Variants in KHDRBS2 observed in about 807,000 individuals in gnomAD.
KHDRBS2 encodes KH domain-containing, RNA-binding, signal transduction-associated protein 2.
In KHDRBS2, 26 loss-of-function variants were observed where a neutral mutation model predicts 44.3. That is an observed-to-expected ratio of 0.59 (90% CI 0.43 to 0.81). The LOEUF (loss-of-function observed/expected upper bound fraction) is 0.81. Ranked by LOEUF, KHDRBS2 falls within the 40% of genes least tolerant of loss-of-function variation. The pLI, the probability that KHDRBS2 is intolerant of heterozygous loss-of-function variation, is 0.00. For missense variants in KHDRBS2, 476 were observed against 433.1 expected (o/e 1.10, Z -0.88); for synonymous variants, 194 against 151.1 (o/e 1.28, Z -2.08).
intron 1 of KHDRBS2, among the ~76,000 whole-genome samples, chr6:62,213,873 C>CAGAAA (rs1829526968): frequency 2.4e-5 from 1 of 41,486 alleles, no homozygotes; most frequent in Non-Finnish European, 4.1e-5. Flanking sequence ...GACTCCATCT[C>CAGAAA]AAAAAAAAAA....
At chr6:61,548,333 G>A in the KHDRBS2 span, among the ~76,000 whole-genome samples, 1 of 152,090 alleles carries the variant, frequency 6.6e-6, no homozygotes, top group Non-Finnish European at 1.5e-5. Flanking sequence ...GCAGGAAGCT[G>A]AAATCATTAG....
At chr6:61,609,345 C>T in the KHDRBS2 span, among the ~76,000 whole-genome samples, 1,296 of 152,104 alleles carry the variant, frequency 8.5e-3, 8 homozygotes, top group Non-Finnish European at 0.013. Flanking sequence ...GCAACAAGAG[C>T]GAAACTCTGT....
chr6:62,171,007 T>TA (rs1024022091), intron 2 of KHDRBS2, among the ~76,000 whole-genome samples: 6 of 149,736 alleles, frequency 4.0e-5, no homozygotes, highest in African/African-American at 1.5e-4. Flanking sequence ...AAAGGACCAT[T>TA]TACCCACACA....
chr6:61,858,345 C>A (rs1316627131), intron 6 of KHDRBS2, among the ~76,000 whole-genome samples: 2 of 151,304 alleles, frequency 1.3e-5, no homozygotes, highest in African/African-American at 4.9e-5. Flanking sequence ...AGATATGTAA[C>A]CTTATTACTC....
chr6:61,896,324 C>T (rs1802931718), intron 5 of KHDRBS2, among the ~76,000 whole-genome samples: 2 of 152,158 alleles, frequency 1.3e-5, no homozygotes, highest in Non-Finnish European at 2.9e-5. Context: ...TATTCACGAG[C>T]CTTCGCTATA....
the KHDRBS2 span, among the ~76,000 whole-genome samples, chr6:61,602,160 C>T: frequency 1.3e-5 from 2 of 152,102 alleles, no homozygotes; most frequent in Admixed American, 6.5e-5. Flanking sequence ...AATTCTGGCC[C>T]TCAAATCCCA....
At chr6:62,027,043 G>A (rs145546808) in intron 3 of KHDRBS2, among the ~76,000 whole-genome samples, 6 of 144,384 alleles carry the variant, frequency 4.2e-5, no homozygotes, top group Admixed American at 1.4e-4. Flanking sequence ...AACTCTTATT[G>A]TACATGTGGA....
At chr6:62,238,133 T>A (rs1834005001) in intron 1 of KHDRBS2, among the ~76,000 whole-genome samples, 1 of 152,144 alleles carries the variant, frequency 6.6e-6, no homozygotes, top group African/African-American at 2.4e-5. Flanking sequence ...TAATTAGATG[T>A]AAGTTTCACT....
the KHDRBS2 span, among the ~76,000 whole-genome samples, chr6:61,584,890 G>A: frequency 1.3e-5 from 2 of 151,790 alleles, no homozygotes; most frequent in East Asian, 3.9e-4. Flanking sequence ...ATTTTTGAAA[G>A]CATAAAATTT....
At chr6:61,763,099 A>G (rs1467433477) in intron 6 of KHDRBS2, among the ~76,000 whole-genome samples, 1 of 152,118 alleles carries the variant, frequency 6.6e-6, no homozygotes, top group South Asian at 2.1e-4. Flanking sequence ...CAATTGCCCA[A>G]TTCCCATCAT....
intron 6 of KHDRBS2, among the ~76,000 whole-genome samples, chr6:61,763,944 G>C (rs147085254): frequency 0.01 from 1,587 of 152,108 alleles, 11 homozygotes; most frequent in Non-Finnish European, 0.015. Flanking sequence ...ATTAAGCCCC[G>C]CATGCATTAG....
intron 6 of KHDRBS2, among the ~76,000 whole-genome samples, chr6:61,818,123 A>G (rs1789273864): frequency 1.3e-5 from 2 of 152,010 alleles, no homozygotes; most frequent in Non-Finnish European, 2.9e-5. Flanking sequence ...TTGCCAAGAT[A>G]ATATCTACTA....
Position 61,901,298 on chromosome 6 carries a change from C to A in KHDRBS2, c.557G>T (p.Arg186Leu). 6.2e-7 allele frequency: 1 copy of A among 1,612,920 alleles called. No homozygotes were observed. Among genetic ancestry groups the A allele is most frequent in the Non-Finnish European group, 8.5e-7 (1 of 1,179,056 alleles). Reference sequence around the variant, plus strand: ...CCCTCTGCCTCTAATACCTCTGCCACGACCAGAGTCCTCTGAGCCATTTAA... The same window carrying A: ...CCCTCTGCCTCTAATACCTCTGCCAAGACCAGAGTCCTCTGAGCCATTTAA... ...SYLNGSEDSGRGRGIRGRGIR... is the reference protein window; with the variant it reads ...SYLNGSEDSGLGRGIRGRGIR... The change falls in exon 5 of 9, where the codon CGT becomes CTT. Residue 186 changes from arginine to leucine, a missense_variant. By Grantham distance (102) the Arg-to-Leu change is moderately radical (BLOSUM62 -2). Coordinates refer to ENST00000281156, the MANE Select transcript of KHDRBS2 (RefSeq NM_152688.4).
chr6:61,737,830 T>C (rs1291663920), intron 6 of KHDRBS2, among the ~76,000 whole-genome samples: 4 of 152,036 alleles, frequency 2.6e-5, no homozygotes, highest in Admixed American at 2.0e-4. Flanking sequence ...TTTTACATAA[T>C]ACAGTTTTTA....
intron 6 of KHDRBS2, among the ~76,000 whole-genome samples, chr6:61,866,430 G>A (rs1259974334): frequency 5.3e-5 from 8 of 152,218 alleles, no homozygotes; most frequent in African/African-American, 1.9e-4. Context: ...AGGGCACCAA[G>A]TCCCTAGGCT....
the KHDRBS2 span, among the ~76,000 whole-genome samples, chr6:61,563,296 G>A: frequency 6.6e-6 from 1 of 151,992 alleles, no homozygotes; most frequent in Admixed American, 6.6e-5. Context: ...GCAAATATGA[G>A]GTCCTTGGGA....
At chr6:61,716,329 T>C (rs906212462) in intron 7 of KHDRBS2, among the ~76,000 whole-genome samples, 4 of 151,998 alleles carry the variant, frequency 2.6e-5, no homozygotes, top group African/African-American at 9.7e-5. Flanking sequence ...CCTTGGCTTC[T>C]GAGCCTTTGC....
intron 1 of KHDRBS2, among the ~76,000 whole-genome samples, chr6:62,246,113 T>C (rs1220897352): frequency 6.9e-6 from 1 of 144,018 alleles, no homozygotes; most frequent in Non-Finnish European, 1.5e-5. Flanking sequence ...TATATATATA[T>C]ATATATATAT....
intron 3 of KHDRBS2, among the ~76,000 whole-genome samples, chr6:62,040,244 C>T (rs1402319330): frequency 4.6e-5 from 7 of 151,980 alleles, no homozygotes; most frequent in South Asian, 2.1e-4. Flanking sequence ...AACAGACACA[C>T]GCATGCACGC....
Sources: allele counts gnomAD v4.1 joint callset (sites outside exome capture counted in the v4.1 genomes callset), GRCh38; gene constraint gnomAD v4.1.1; transcripts MANE v1.5; gene names NCBI Gene and HGNC (gene_info 2026-07-23, HGNC 2026-07-21).